Variants in PBRM1 observed in about 807,000 individuals in gnomAD.
The protein encoded by PBRM1 is polybromo 1, also known as protein polybromo-1.
In PBRM1, 27 loss-of-function variants were observed where a neutral mutation model predicts 194.5. That is an observed-to-expected ratio of 0.14 (90% CI 0.10 to 0.19). The LOEUF (loss-of-function observed/expected upper bound fraction) is 0.19, where lower values mean the gene tolerates loss of function less well. Among genes scored for constraint, PBRM1 ranks in the 10% least tolerant of loss-of-function variants. PBRM1 has a pLI of 1.00. For missense variants in PBRM1, 1,466 were observed against 2,077.2 expected (o/e 0.71, Z 5.72); for synonymous variants, 655 against 693.2 (o/e 0.94, Z 0.87).
At chr3:52,656,049 A>G (rs888396774) in intron 5 of PBRM1, among the ~76,000 whole-genome samples, 1 of 152,240 alleles carries the variant, frequency 6.6e-6, no homozygotes, top group African/African-American at 2.4e-5. Context: ...AAGTGCTACC[A>G]TGGAGTACTT....
intron 25 of PBRM1, among the ~76,000 whole-genome samples, chr3:52,559,214 C>T (rs3796353): frequency 0.42 from 63,148 of 151,936 alleles, 13,370 homozygotes; most frequent in Admixed American, 0.5. Context: ...ATCCCTCTTA[C>T]TTCATTCAAA....
intron 4 of PBRM1, among the ~76,000 whole-genome samples, chr3:52,660,399 G>A (rs1194913078): frequency 2.0e-5 from 3 of 151,300 alleles, no homozygotes; most frequent in Admixed American, 1.3e-4. Flanking sequence ...AGCTGCTGAG[G>A]AACTATATAC....
At chr3:52,600,360 ATTCT>A (rs1331778196) in intron 17 of PBRM1, among the ~76,000 whole-genome samples, 3 of 152,172 alleles carry the variant, frequency 2.0e-5, no homozygotes, top group Non-Finnish European at 2.9e-5. Flanking sequence ...AGCTTTGCTC[ATTCT>A]TTTTTATTTT....
rs376126124 is a variant in PBRM1, at chr3:52,643,232, A to G, written c.995+16T>C. The G allele has an allele frequency of 2.7e-4, 428 of 1,561,598 alleles. 2 individuals carry two copies. The highest frequency in any genetic ancestry group is 1.7e-4 in the Middle Eastern group (1 of 5,972). On this transcript the variant is annotated intron_variant, in intron 9 of 29. Transcript: ENST00000296302. The stretch of plus-strand genomic sequence containing the variant: ...AAGCACAGGTCAACTCTCAGACTAA[A>G]CACTCTTTTTCTCACCGGTAATACT...
chr3:52,587,527 GGGGGAA>G lies in PBRM1; in HGVS notation c.2966-23_2966-18del. On this transcript the variant is annotated intron_variant, in intron 18 of 29. Transcript: ENST00000296302. ...ATTTTTCACCTCAAAAATGGGGGGT[GGGGGAA>G]GGGGAAGAGAAAGAGAATCATTGTT... is the stretch of plus-strand genomic sequence containing the variant. 3.2e-6 allele frequency: 5 copies of G among 1,563,888 alleles called. No homozygotes were observed. Among genetic ancestry groups the G allele is most frequent in the Non-Finnish European group, 4.3e-6 (5 of 1,152,614 alleles).
intron 10 of PBRM1, among the ~76,000 whole-genome samples, chr3:52,637,030 G>C (rs549579440): frequency 6.6e-6 from 1 of 152,054 alleles, no homozygotes; most frequent in East Asian, 1.9e-4. Flanking sequence ...CAGTTGAAGG[G>C]GATTAGGAAC....
intron 1 of PBRM1, among the ~76,000 whole-genome samples, chr3:52,678,860 TTCTTGC>T (rs2097156968): frequency 6.6e-6 from 1 of 152,228 alleles, no homozygotes; most frequent in South Asian, 2.1e-4. Flanking sequence ...GTTCATCACT[TTCTTGC>T]TTAAAGTCAT....
chr3:52,631,071 A>G (rs1425476039), intron 11 of PBRM1, among the ~76,000 whole-genome samples: 1 of 152,204 alleles, frequency 6.6e-6, no homozygotes, highest in Non-Finnish European at 1.5e-5. Context: ...AATGAATCTC[A>G]GCCTTAATTT....
exon 14 of PBRM1, chr3:52,617,353 C>T (rs554214396): frequency 6.2e-6 from 10 of 1,613,248 alleles, no homozygotes; most frequent in South Asian, 1.1e-5. Context: ...TTTGTCATTG[C>T]GGATGTTATG....
Position 52,587,520 on chromosome 3 carries a change from G to C in PBRM1, c.2966-10C>G. ...TACAACCATTTTTCACCTCAAAAAT[G>C]GGGGGTGGGGGAAGGGGAAGAGAAA... On this transcript the variant is annotated splice_polypyrimidine_tract_variant and intron_variant, in intron 18 of 29. Coordinates refer to ENST00000296302, the Ensembl canonical transcript of PBRM1. The C allele has an allele frequency of 6.4e-7, 1 of 1,573,244 alleles. No individual in the cohort carries two copies. The highest frequency in any genetic ancestry group is 8.6e-7 in the Non-Finnish European group (1 of 1,158,142).
chr3:52,638,752 C>G (rs1043126938), intron 10 of PBRM1, among the ~76,000 whole-genome samples: 2 of 151,730 alleles, frequency 1.3e-5, no homozygotes, highest in African/African-American at 4.9e-5. Flanking sequence ...CACCACACCA[C>G]GCCCGGCTAA....
At position 52,636,406 on chromosome 3, in the gene PBRM1, A is replaced by C. The variant is rs144866854; in HGVS notation, c.1088-1591T>G. Among the ~76,000 whole-genome samples, 14 of 152,166 alleles carry C rather than the reference A, an allele frequency of 9.2e-5. No homozygotes were observed. In the East Asian group the frequency reaches 2.5e-3, roughly 27 times the overall value. Reference sequence around the variant, plus strand: ...AGGACCATAATTTAAATTTTTCTTGATGGATCAGAATAAACATATAGTTGC... The same window carrying C: ...AGGACCATAATTTAAATTTTTCTTGCTGGATCAGAATAAACATATAGTTGC... On this transcript the variant is annotated intron_variant, in intron 10 of 29. Coordinates refer to ENST00000296302, the Ensembl canonical transcript of PBRM1.
Position 52,588,552 on chromosome 3 carries a change from C to CTT in PBRM1, c.2965+516_2965+517dup, listed in dbSNP as rs36058575. Reference sequence around the variant, plus strand: ...AGACTTTAAGAAGCTGTATTTCTTTCTTTTTTTTTTTTTTTTTTTTTGAGA... The same window carrying CTT: ...AGACTTTAAGAAGCTGTATTTCTTTCTTTTTTTTTTTTTTTTTTTTTTTGAGA... On this transcript the variant is annotated intron_variant, in intron 18 of 29. Transcript: ENST00000296302. Among the ~76,000 whole-genome samples, 130 of 110,046 alleles carry CTT rather than the reference C, an allele frequency of 1.2e-3. 1 individual carries two copies. The highest frequency in any genetic ancestry group is 1.9e-3 in the African/African-American group (55 of 29,016). The allele number at this position is 110,046 out of a possible 152,430, so 72.2% of individuals were successfully genotyped here. A position where few individuals can be genotyped will look rare whatever the true frequency, so the allele number is the denominator to read the frequency against.
exon 12 of PBRM1, chr3:52,629,019 G>C (rs2153597855): frequency 6.2e-7 from 1 of 1,607,590 alleles, no homozygotes; most frequent in South Asian, 1.1e-5. Flanking sequence ...TCATATTCTT[G>C]ATTCTTCAGT....
intron 6 of PBRM1, among the ~76,000 whole-genome samples, chr3:52,650,846 T>G (rs974692277): frequency 1.1e-4 from 17 of 152,276 alleles, no homozygotes; most frequent in African/African-American, 4.1e-4. Context: ...AATACTCAAT[T>G]TCTGGTACAA....
intron 10 of PBRM1, among the ~76,000 whole-genome samples, chr3:52,638,977 A>AT (rs58149305): frequency 5.8e-5 from 5 of 86,008 alleles, no homozygotes; most frequent in Non-Finnish European, 6.2e-5. Flanking sequence ...CGTTATTCAC[A>AT]TTTTTTTTTG....
chr3:52,560,079 A>G (rs1331002300), intron 25 of PBRM1, among the ~76,000 whole-genome samples: 3 of 152,164 alleles, frequency 2.0e-5, no homozygotes, highest in Non-Finnish European at 4.4e-5. Flanking sequence ...GCTGAGTCAT[A>G]TAACTCCCCC....
At chr3:52,550,213 G>A (rs2080589434) in intron 29 of PBRM1, among the ~76,000 whole-genome samples, 1 of 148,240 alleles carries the variant, frequency 6.7e-6, no homozygotes, top group Non-Finnish European at 1.5e-5. Flanking sequence ...GTGAGACCCT[G>A]TCTCAAAAAC....
At chr3:52,660,086 G>C (rs536267212) in intron 4 of PBRM1, among the ~76,000 whole-genome samples, 9 of 152,258 alleles carry the variant, frequency 5.9e-5, no homozygotes, top group African/African-American at 2.2e-4. Context: ...GCAAGACACT[G>C]TCTCAAAAAA....
Sources: allele counts gnomAD v4.1 joint callset (sites outside exome capture counted in the v4.1 genomes callset), GRCh38; gene constraint gnomAD v4.1.1; transcripts MANE v1.5; gene names NCBI Gene and HGNC (gene_info 2026-07-23, HGNC 2026-07-21).